MCU: variants seen among roughly 807,000 people sequenced by gnomAD.
The protein encoded by MCU is mitochondrial calcium uniporter.
In MCU, 12 loss-of-function variants were observed where a neutral mutation model predicts 45.2. The ratio of observed to expected loss-of-function variants is 0.27; its 90% confidence interval spans 0.17 to 0.43. The LOEUF (loss-of-function observed/expected upper bound fraction) is 0.43, where lower values mean the gene tolerates loss of function less well. MCU is among the 20% of genes least tolerant of loss of function. MCU has a pLI of 1.00. For missense variants in MCU, 324 were observed against 436.7 expected (o/e 0.74, Z 2.30); for synonymous variants, 160 against 165.1 (o/e 0.97, Z 0.24).
chr10:72,806,244 G>A (rs994960769), intron 1 of MCU, among the ~76,000 whole-genome samples: 24 of 139,930 alleles, frequency 1.7e-4, no homozygotes, highest in African/African-American at 5.4e-4. Context: ...CGCAACCTCC[G>A]CCTCCTGGGT....
At chr10:72,704,704 A>ACTTTTTTTTTTTTTTTTTTTTTTTTTT (rs1435890480) in intron 1 of MCU, among the ~76,000 whole-genome samples, 2 of 106,746 alleles carry the variant, frequency 1.9e-5, no homozygotes. Flanking sequence ...TGCCTGGATA[A>ACTTTTTTTTTTTTTTTTTTTTTTTTTT]TTTTTTTTTT....
chr10:72,730,121 G>A (rs111971850), intron 1 of MCU, among the ~76,000 whole-genome samples: 141 of 151,016 alleles, frequency 9.3e-4, no homozygotes, highest in African/African-American at 3.4e-3. Context: ...CACCACACCT[G>A]GCTAATTTTT....
chr10:72,852,758 G>A (rs923059025), intron 2 of MCU, among the ~76,000 whole-genome samples: 6 of 152,250 alleles, frequency 3.9e-5, no homozygotes, highest in African/African-American at 1.4e-4. Flanking sequence ...GCTATGAAGA[G>A]AAAGAGGAGT....
intron 1 of MCU, among the ~76,000 whole-genome samples, chr10:72,802,214 G>C (rs1025449648): frequency 6.6e-6 from 1 of 152,072 alleles, no homozygotes; most frequent in Admixed American, 6.5e-5. Flanking sequence ...TGTTCCTGAG[G>C]ATTTTCCCTG....
chr10:72,750,396 G>T (rs530966012), intron 1 of MCU, among the ~76,000 whole-genome samples: 6 of 152,138 alleles, frequency 3.9e-5, no homozygotes, highest in African/African-American at 1.2e-4. Flanking sequence ...AATAAAATAG[G>T]TACAAAACTG....
rs935523654 is a variant in MCU at position 72,742,044 on chromosome 10, A to C, written c.150+49743A>C. 7.3e-5 allele frequency among the ~76,000 whole-genome samples: 10 copies of C among 137,008 alleles called. No homozygotes were observed. In the East Asian group the frequency reaches 7.8e-4, roughly 11 times the overall value. The allele number at this position is 137,008 out of a possible 152,430, so 89.9% of individuals were successfully genotyped here. A position where few individuals can be genotyped will look rare whatever the true frequency, so the allele number is the denominator to read the frequency against. On this transcript the variant is annotated intron_variant, in intron 1 of 7. Coordinates refer to ENST00000373053, the MANE Select transcript of MCU (RefSeq NM_138357.3). ...TCTCAAAAAAAAAAAAAAAAAAAAA[A>C]ACAAAAACGACATTGCAGTCAACCA... is the stretch of plus-strand genomic sequence containing the variant.
At chr10:72,787,309 C>T (rs1355116490) in intron 1 of MCU, among the ~76,000 whole-genome samples, 1 of 152,226 alleles carries the variant, frequency 6.6e-6, no homozygotes, top group Non-Finnish European at 1.5e-5. Flanking sequence ...CGCTCTGTCG[C>T]CCAGGCTGGA....
intron 2 of MCU, among the ~76,000 whole-genome samples, chr10:72,842,485 T>TAC (rs1449342765): frequency 6.6e-6 from 1 of 152,222 alleles, no homozygotes; most frequent in Non-Finnish European, 1.5e-5. Flanking sequence ...GAATTTTCAG[T>TAC]ACCACTTTTC....
intron 1 of MCU, among the ~76,000 whole-genome samples, chr10:72,817,853 A>C (rs1844649921): frequency 6.6e-6 from 1 of 152,236 alleles, no homozygotes; most frequent in Admixed American, 6.5e-5. Flanking sequence ...TCAGTGACCC[A>C]GGGAGCACTA....
intron 2 of MCU, among the ~76,000 whole-genome samples, chr10:72,844,302 G>A (rs1038576426): frequency 2.6e-5 from 4 of 152,016 alleles, no homozygotes; most frequent in Non-Finnish European, 5.9e-5. Context: ...CAGAAGAATC[G>A]CTTGAACCCG....
chr10:72,860,609 T>A, intron 4 of MCU, 82 bp downstream of exon 4: 1 of 1,056,438 alleles, frequency 9.5e-7, no homozygotes, highest in Non-Finnish European at 1.4e-6. Flanking sequence ...TTGGGTAACC[T>A]TGAGAAACAG....
intron 1 of MCU, among the ~76,000 whole-genome samples, chr10:72,722,742 ATC>A (rs1843041462): frequency 6.6e-6 from 1 of 152,100 alleles, no homozygotes; most frequent in African/African-American, 2.4e-5. Context: ...TAGAGACAAA[ATC>A]TGTTTCTTTT....
intron 2 of MCU, among the ~76,000 whole-genome samples, chr10:72,839,417 T>C (rs1845012648): frequency 6.6e-6 from 1 of 152,178 alleles, no homozygotes; most frequent in Admixed American, 6.5e-5. Flanking sequence ...ATTTGCTCTC[T>C]GTCTCTGTAG....
At position 72,707,974 on chromosome 10, in the gene MCU, C is replaced by A. The variant is rs12763090; in HGVS notation, c.150+15673C>A. Among the ~76,000 whole-genome samples, 11 of 150,230 alleles carry A rather than the reference C, an allele frequency of 7.3e-5. 1 individual carries two copies. Among genetic ancestry groups the A allele is most frequent in the East Asian group, 5.8e-4 (3 of 5,176 alleles). On this transcript the variant is annotated intron_variant, in intron 1 of 7. Transcript: ENST00000373053. Reference sequence around the variant, plus strand: ...CAGGCACGTACCACCACGTTCAGTTCAAAAAAAAACTTTTAAAATTATAAA... The same window carrying A: ...CAGGCACGTACCACCACGTTCAGTTAAAAAAAAAACTTTTAAAATTATAAA...
intron 1 of MCU, among the ~76,000 whole-genome samples, chr10:72,705,009 GC>G (rs1259308958): frequency 1.3e-5 from 2 of 151,728 alleles, no homozygotes; most frequent in Non-Finnish European, 2.9e-5. Context: ...ATGAGCCACC[GC>G]CCCCAGCCAC....
At chr10:72,754,974 A>G (rs1321335853) in intron 1 of MCU, among the ~76,000 whole-genome samples, 1 of 152,168 alleles carries the variant, frequency 6.6e-6, no homozygotes, top group Non-Finnish European at 1.5e-5. Context: ...CTGTGTTTTT[A>G]TGTGGCTCAA....
At chr10:72,842,711 C>G (rs1487306786) in intron 2 of MCU, among the ~76,000 whole-genome samples, 2 of 151,300 alleles carry the variant, frequency 1.3e-5, no homozygotes, top group African/African-American at 2.4e-5. Flanking sequence ...AATTTTGGTT[C>G]AAAACTGAGG....
At chr10:72,833,917 C>A (rs1217668700) in intron 1 of MCU, among the ~76,000 whole-genome samples, 1 of 152,136 alleles carries the variant, frequency 6.6e-6, no homozygotes, top group Non-Finnish European at 1.5e-5. Flanking sequence ...ATAGTAAATT[C>A]TTGATACAGC....
In MCU at chr10:72,703,616, G is replaced by GA. The variant is rs1402586451; in HGVS notation, c.150+11319dup. Among the ~76,000 whole-genome samples, 75 of 152,222 alleles carry GA rather than the reference G, an allele frequency of 4.9e-4. 1 individual carries two copies. The highest frequency in any genetic ancestry group is 1.4e-3 in the Admixed American group (21 of 15,282). The stretch of plus-strand genomic sequence containing the variant: ...TGCATTGTACACACATAAAACTAAA[G>GA]AAAAGTGGCTGGGCATGGTGGCTCA... On this transcript the variant is annotated intron_variant, in intron 1 of 7. Coordinates refer to ENST00000373053, the MANE Select transcript of MCU (RefSeq NM_138357.3).
Sources: allele counts gnomAD v4.1 joint callset (sites outside exome capture counted in the v4.1 genomes callset), GRCh38; gene constraint gnomAD v4.1.1; transcripts MANE v1.5; gene names NCBI Gene and HGNC (gene_info 2026-07-23, HGNC 2026-07-21).